The following PALLD variants were observed in gnomAD, a reference collection of about 807,000 sequenced individuals.
The protein encoded by PALLD is palladin.
In PALLD, 61 loss-of-function variants were observed where a neutral mutation model predicts 123.5. The observed-to-expected ratio is 0.49, with a 90% CI of 0.40 to 0.61. The LOEUF (loss-of-function observed/expected upper bound fraction) is 0.61, where lower values mean the gene tolerates loss of function less well. Among genes scored for constraint, PALLD ranks in the 20% least tolerant of loss-of-function variants. PALLD has a pLI of 0.00. For missense variants in PALLD, 1,273 were observed against 1,377.0 expected (o/e 0.92, Z 1.20); for synonymous variants, 465 against 496.4 (o/e 0.94, Z 0.84).
At chr4:168,506,497 G>A (rs899941526) in intron 1 of PALLD, among the ~76,000 whole-genome samples, 1 of 151,974 alleles carries the variant, frequency 6.6e-6, no homozygotes, top group Admixed American at 6.6e-5. Context: ...CTCATACTCC[G>A]TTTGTCCTAT....
intron 2 of PALLD, among the ~76,000 whole-genome samples, chr4:168,558,185 C>G (rs549882337): frequency 6.6e-6 from 1 of 152,216 alleles, no homozygotes; most frequent in Admixed American, 6.5e-5. Context: ...GCAGCTCCAT[C>G]CTTCATGTCC....
At chr4:168,811,296 C>T (rs549886357) in intron 10 of PALLD, among the ~76,000 whole-genome samples, 1 of 152,148 alleles carries the variant, frequency 6.6e-6, no homozygotes, top group African/African-American at 2.4e-5. Context: ...ACCTGTGTTC[C>T]CTTTCCTTTT....
intron 10 of PALLD, among the ~76,000 whole-genome samples, chr4:168,875,164 A>C (rs937135891): frequency 3.3e-5 from 5 of 152,130 alleles, no homozygotes; most frequent in African/African-American, 1.2e-4. Context: ...TAGTATTTCC[A>C]AAAAGTTCAG....
At chr4:168,822,132 C>T (rs1742813367) in intron 10 of PALLD, among the ~76,000 whole-genome samples, 1 of 152,148 alleles carries the variant, frequency 6.6e-6, no homozygotes, top group African/African-American at 2.4e-5. Flanking sequence ...AATTTTGTCT[C>T]AAGACCTCAT....
At chr4:168,831,955 A>G in intron 10 of PALLD, 1 of 969,540 alleles carries the variant, frequency 1.0e-6, no homozygotes, top group African/African-American at 1.8e-5. Flanking sequence ...GCCGCGTCCC[A>G]GAGCTGCGAG....
intron 8 of PALLD, among the ~76,000 whole-genome samples, chr4:168,699,246 T>C (rs1160921327): frequency 2.0e-5 from 3 of 152,094 alleles, no homozygotes; most frequent in Non-Finnish European, 4.4e-5. Flanking sequence ...GCCCAGCTAA[T>C]CTTTGTATTT....
intron 10 of PALLD, among the ~76,000 whole-genome samples, chr4:168,791,080 A>G (rs1581484841): frequency 6.6e-6 from 1 of 152,320 alleles, no homozygotes; most frequent in East Asian, 1.9e-4. Flanking sequence ...GACCACAGGA[A>G]TGATGCCCAA....
intron 15 of PALLD, among the ~76,000 whole-genome samples, chr4:168,909,154 C>G (rs552848066): frequency 6.6e-6 from 1 of 152,274 alleles, no homozygotes; most frequent in Admixed American, 6.5e-5. Context: ...GACTCTAATC[C>G]TATCTTTAAG....
intron 2 of PALLD, among the ~76,000 whole-genome samples, chr4:168,579,294 G>A (rs1769980200): frequency 6.6e-6 from 1 of 152,080 alleles, no homozygotes; most frequent in Non-Finnish European, 1.5e-5. Context: ...TCCTCCAGAG[G>A]GACATTGGGG....
At chr4:168,636,458 C>T (rs985965157) in intron 2 of PALLD, among the ~76,000 whole-genome samples, 1 of 152,168 alleles carries the variant, frequency 6.6e-6, no homozygotes, top group Non-Finnish European at 1.5e-5. Context: ...GCCCTCTAGC[C>T]TGACTGACAG....
Position 168,891,018 on chromosome 4 carries a change from A to G in PALLD, c.2061A>G (p.Lys687=). ...KDAVIQDLER[K]LRFKEDLLNN... ...CTGTTATTCAAGACCTGGAACGAAAACTTCGCTTCAAGGAGGACCTCCTGA... is the reference window on the plus strand; with the variant it reads ...CTGTTATTCAAGACCTGGAACGAAAGCTTCGCTTCAAGGAGGACCTCCTGA... Residue 687 remains lysine (K), a synonymous_variant, in exon 11 of 22, where the codon AAA becomes AAG. Transcript: ENST00000505667. 6.2e-7 allele frequency: 1 copy of G among 1,614,108 alleles called. No individual in the cohort carries two copies. The highest frequency in any genetic ancestry group is 1.3e-5 in the African/African-American group (1 of 75,016).
intron 10 of PALLD, among the ~76,000 whole-genome samples, chr4:168,794,662 G>A (rs1581508668): frequency 6.6e-6 from 1 of 152,244 alleles, no homozygotes; most frequent in Non-Finnish European, 1.5e-5. Flanking sequence ...TCTCGGTATG[G>A]TGGCTTAGCC....
chr4:168,855,027 CTG>C (rs1280109157), intron 10 of PALLD, among the ~76,000 whole-genome samples: 2 of 151,280 alleles, frequency 1.3e-5, no homozygotes, highest in African/African-American at 4.9e-5. Context: ...GATGAAAACA[CTG>C]TAAAAATAAT....
intron 5 of PALLD, among the ~76,000 whole-genome samples, chr4:168,685,008 T>A (rs1033314046): frequency 8.5e-5 from 13 of 152,200 alleles, no homozygotes; most frequent in African/African-American, 3.1e-4. Context: ...TAAAAAAAAA[T>A]TCTTTTCTCT....
In PALLD at chr4:168,878,229, C is replaced by CACCACCGCCGCT. The variant is rs778313832; in HGVS notation, c.1965-12692_1965-12681dup. ...CCCGACGTGTTCCCACTGCCGCCGC[C>CACCACCGCCGCT]ACCACCGCCGCTCCCGAGCCCGGGA... On this transcript the variant is annotated intron_variant, in intron 10 of 21. Transcript: ENST00000505667. 6.6e-6 allele frequency: 10 copies of CACCACCGCCGCT among 1,521,102 alleles called. No homozygotes were observed. The South Asian group carries it at 1.2e-4, about 18-fold the overall frequency. 94.2% of individuals were successfully genotyped at this position (1,521,102 alleles called of 1,614,324 possible).
rs535199839 is a variant in PALLD, at chr4:168,806,950, A to G, written c.1965-83972A>G. ...CACATACATATATGTAGTTTCACTT[A>G]TTCTTTCAACAAATGCATATGGAGT... On this transcript the variant is annotated intron_variant, in intron 10 of 21. Transcript: ENST00000505667. 4.6e-5 allele frequency among the ~76,000 whole-genome samples: 7 copies of G among 152,164 alleles called. No homozygotes were observed. The South Asian group carries it at 6.2e-4, about 14-fold the overall frequency.
chr4:168,579,086 C>A (rs1417063447), intron 2 of PALLD, among the ~76,000 whole-genome samples: 1 of 152,102 alleles, frequency 6.6e-6, no homozygotes, highest in South Asian at 2.1e-4. Context: ...TGAAAATAAG[C>A]TTCAGCTCTG....
intron 10 of PALLD, among the ~76,000 whole-genome samples, chr4:168,833,734 AT>A (rs112620791): frequency 9.5e-4 from 139 of 145,806 alleles, no homozygotes; most frequent in African/African-American, 2.4e-3. Context: ...CTTTCTTGCT[AT>A]TTTTTTTTTC....
chr4:168,554,264 A>G (rs145338475), intron 2 of PALLD, among the ~76,000 whole-genome samples: 3 of 152,278 alleles, frequency 2.0e-5, no homozygotes, highest in East Asian at 3.9e-4. Context: ...TTTTCTCTCC[A>G]TTAAGAACAT....
Sources: gnomAD v4.1 joint callset for allele counts (sites outside exome capture counted in the v4.1 genomes callset) on GRCh38, gnomAD v4.1.1 for gene constraint, MANE v1.5 for transcripts, NCBI Gene and HGNC (gene_info 2026-07-23, HGNC 2026-07-21) for gene names.